The following DSC3 variants were observed in gnomAD, a reference collection of about 807,000 sequenced individuals.
DSC3 encodes desmocollin 3, also known as desmocollin-3.
Under a neutral mutation model 89.5 loss-of-function variants are expected in DSC3, and 97 were observed. The observed-to-expected ratio is 1.08, with a 90% CI of 0.92 to 1.28. DSC3 has a LOEUF of 1.28. DSC3 is among the 50% of genes most tolerant of loss of function. The pLI, the probability that DSC3 is intolerant of heterozygous loss-of-function variation, is 0.00. For synonymous variants in DSC3, 436 were observed against 384.1 expected, an observed-to-expected ratio of 1.14 and a Z score of -1.58; for missense variants, 1,199 against 1,085.3, an observed-to-expected ratio of 1.10 and a Z score of -1.47.
rs369137304 is a variant in DSC3, at chr18:31,028,648, A to G, written c.474+861T>C. ...ACACAGGTTACACCATTAGTATTAA[A>G]TATCAAGCACACTATTAGAAATTTA... On this transcript the variant is annotated intron_variant, in intron 4 of 15. Transcript: ENST00000360428. Among the ~76,000 whole-genome samples, 5 of 152,298 alleles carry G rather than the reference A, an allele frequency of 3.3e-5. No homozygotes were observed. The East Asian group carries it at 9.6e-4, about 29-fold the overall frequency.
At chr18:31,040,474 ACTT>A (rs1416584563) in intron 1 of DSC3, among the ~76,000 whole-genome samples, 1 of 152,120 alleles carries the variant, frequency 6.6e-6, no homozygotes, top group Non-Finnish European at 1.5e-5. Flanking sequence ...GCTCTGATAT[ACTT>A]CTTTTTTTAG....
At chr18:31,037,897 C>CAAAAA (rs567216995) in intron 1 of DSC3, among the ~76,000 whole-genome samples, 3,576 of 137,030 alleles carry the variant, frequency 0.026, 154 homozygotes, top group African/African-American at 0.091. Context: ...AACTCCATCT[C>CAAAAA]AAAAAAAAAA....
intron 6 of DSC3, 101 bp from the exon 7 acceptor site, chr18:31,022,603 C>T (rs1373131468): frequency 7.4e-7 from 1 of 1,353,732 alleles, no homozygotes; most frequent in African/African-American, 1.4e-5. Flanking sequence ...TGATAGAAAC[C>T]TAATCTAAAA....
rs1985771591 is a variant in DSC3 at position 31,031,053 on chromosome 18, T to G, written c.274A>C (p.Arg92=). 2 of 1,614,114 alleles carry G rather than the reference T, an allele frequency of 1.2e-6. No homozygotes were observed. The highest frequency in any genetic ancestry group is 1.7e-6 in the Non-Finnish European group (2 of 1,179,976). The change falls in exon 3 of 16, where the codon AGA becomes CGA. Residue 92 remains arginine, a synonymous_variant. Transcript: ENST00000360428. ...TCAGAAAGCCATATGGTAAATGATCTTTTCTTATCAGACAGCGCAACAGCC... is the reference window on the plus strand; with the variant it reads ...TCAGAAAGCCATATGGTAAATGATCGTTTCTTATCAGACAGCGCAACAGCC... ...ARAVALSDKK[R]SFTIWLSDKR...
At chr18:31,028,218 G>A (rs556226075) in intron 4 of DSC3, among the ~76,000 whole-genome samples, 2 of 152,232 alleles carry the variant, frequency 1.3e-5, no homozygotes, top group South Asian at 2.1e-4. Flanking sequence ...TGGGACAGGA[G>A]GCTAGGGGGA....
At chr18:31,017,030 A>T (rs1985258626) in intron 9 of DSC3, among the ~76,000 whole-genome samples, 1 of 152,192 alleles carries the variant, frequency 6.6e-6, no homozygotes, top group African/African-American at 2.4e-5. Context: ...GACTAATAAA[A>T]AACAAAAGCA....
At chr18:31,024,714 G>C (rs1456266437) in intron 5 of DSC3, among the ~76,000 whole-genome samples, 1 of 152,054 alleles carries the variant, frequency 6.6e-6, no homozygotes, top group Non-Finnish European at 1.5e-5. Context: ...ATAAAACCTA[G>C]GTCAGAGTAC....
rs1049005141 is a variant in DSC3 at position 30,997,008 on chromosome 18, G to C, written c.2276C>G (p.Ser759Cys). ...NGFMTQTTNN[S>C]SQGFCGTMGS... ...CATAGTACCACAAAAACCTTGGCTA[G>C]AGTTGTTGGTAGTTTGGGTCATAAA... The change falls in exon 15 of 16, where the codon TCT becomes TGT. Residue 759 changes from serine to cysteine, a missense_variant. Physicochemically the swap from Ser to Cys is moderately radical, Grantham distance 112. Coordinates refer to ENST00000360428, the MANE Select transcript of DSC3 (RefSeq NM_001941.5). The C allele has an allele frequency of 1.9e-6, 3 of 1,614,136 alleles. No individual in the cohort carries two copies. Among genetic ancestry groups the C allele is most frequent in the Admixed American group, 1.7e-5 (1 of 60,026 alleles).
At chr18:31,016,897 T>C (rs1314882604) in intron 9 of DSC3, among the ~76,000 whole-genome samples, 1 of 152,204 alleles carries the variant, frequency 6.6e-6, no homozygotes, top group Non-Finnish European at 1.5e-5. Context: ...CCTCCTTCCC[T>C]ATCTTATTTT....
chr18:31,040,516 G>T (rs1021322744), intron 1 of DSC3, among the ~76,000 whole-genome samples: 6 of 151,958 alleles, frequency 3.9e-5, no homozygotes, highest in African/African-American at 1.5e-4. Flanking sequence ...TTCTTTGTGC[G>T]TGTGATTATT....
At chr18:31,032,776 A>G (rs912473420) in intron 1 of DSC3, among the ~76,000 whole-genome samples, 18 of 152,244 alleles carry the variant, frequency 1.2e-4, no homozygotes, top group Non-Finnish European at 2.1e-4. Context: ...TTATATTTTT[A>G]GTAGGGATGG....
chr18:31,007,993 C>T (rs1200061952), intron 11 of DSC3, 23 bp downstream of exon 11: 5 of 1,586,692 alleles, frequency 3.2e-6, no homozygotes, highest in Non-Finnish European at 4.3e-6. Context: ...TTATAGAATA[C>T]CAGATTAAAA....
intron 4 of DSC3, among the ~76,000 whole-genome samples, chr18:31,028,824 C>T (rs1985684326): frequency 6.6e-6 from 1 of 152,096 alleles, no homozygotes; most frequent in South Asian, 2.1e-4. Flanking sequence ...GTTAAACTTA[C>T]TAGTAGAATG....
chr18:31,006,899 T>C lies in DSC3; in HGVS notation c.1888+8A>G, dbSNP rs201279990. On this transcript the variant is annotated splice_region_variant and intron_variant, in intron 12 of 15. Coordinates refer to ENST00000360428, the MANE Select transcript of DSC3 (RefSeq NM_001941.5). ...AGAGTTTATAAATCATTATTTTTTA[T>C]TAAATACCATTAACTTTGGTGAGGC... 21 of 1,584,780 alleles carry C rather than the reference T, an allele frequency of 1.3e-5. No individual in the cohort carries two copies. Among genetic ancestry groups the C allele is most frequent in the Non-Finnish European group, 1.8e-5 (21 of 1,155,768 alleles).
rs1044430655 is a variant in DSC3, at chr18:30,993,599, C to T, written c.*576G>A. 10 of 152,898 alleles carry T rather than the reference C, an allele frequency of 6.5e-5. No individual in the cohort carries two copies. The highest frequency in any genetic ancestry group is 2.2e-4 in the African/African-American group (9 of 41,418). 9.5% of individuals were successfully genotyped at this position (152,898 alleles called of 1,614,324 possible). A position where few individuals can be genotyped will look rare whatever the true frequency, so the allele number is the denominator to read the frequency against. On this transcript the variant is annotated 3_prime_UTR_variant, in exon 16 of 16. Transcript: ENST00000360428. ...ATTGATTAATAATAATATACACACA[C>T]ACATTTATTTCCAACTATATTCCTA... is the stretch of plus-strand genomic sequence containing the variant.
chr18:30,996,004 A>AAAAAAAAAAAAAAAAAAAAAAAAAAG (rs1380162048), intron 15 of DSC3, among the ~76,000 whole-genome samples: 2 of 143,658 alleles, frequency 1.4e-5, no homozygotes, highest in African/African-American at 5.6e-5. Context: ...AAAAAAGAAA[A>AAAAAAAAAAAAAAAAAAAAAAAAAAG]GAAAGAAAAA....
At chr18:30,999,209 C>T (rs1221523073) in intron 14 of DSC3, among the ~76,000 whole-genome samples, 1 of 152,096 alleles carries the variant, frequency 6.6e-6, no homozygotes, top group African/African-American at 2.4e-5. Flanking sequence ...TTTGTGCCAC[C>T]TTCCTATCAA....
chr18:31,023,851 C>G, intron 6 of DSC3, among the ~76,000 whole-genome samples: 1 of 151,804 alleles, frequency 6.6e-6, no homozygotes, highest in East Asian at 1.9e-4. Context: ...GAAGTTATTC[C>G]GGTATTCATT....
intron 9 of DSC3, among the ~76,000 whole-genome samples, chr18:31,009,885 C>A (rs539205573): frequency 6.6e-6 from 1 of 152,310 alleles, no homozygotes; most frequent in East Asian, 1.9e-4. Flanking sequence ...CCTCTGCTAT[C>A]GTGTGCTGCT....
Sources: allele counts gnomAD v4.1 joint callset (sites outside exome capture counted in the v4.1 genomes callset), GRCh38; gene constraint gnomAD v4.1.1; transcripts MANE v1.5; gene names NCBI Gene and HGNC (gene_info 2026-07-23, HGNC 2026-07-21).